Variants in ZNF892 observed in about 807,000 individuals in gnomAD.
ZNF892 encodes zinc finger protein 570-like.
chr2:95,252,335 G>A, the ZNF892 span, among the ~76,000 whole-genome samples: 4 of 150,772 alleles, frequency 2.7e-5, no homozygotes, highest in Non-Finnish European at 5.9e-5. Context: ...AACATGCGGT[G>A]TTTGGTTTTT....
At chr2:95,240,809 A>T in the ZNF892 span, among the ~76,000 whole-genome samples, 1 of 152,090 alleles carries the variant, frequency 6.6e-6, no homozygotes, top group Non-Finnish European at 1.5e-5. Flanking sequence ...GGTTCAGTCA[A>T]CTCAGCCGTT....
the ZNF892 span, among the ~76,000 whole-genome samples, chr2:95,261,383 C>G: frequency 1.3e-5 from 2 of 152,124 alleles, no homozygotes; most frequent in African/African-American, 2.4e-5. Flanking sequence ...CAACCTTCGC[C>G]CCCTGGGTTC....
chr2:95,241,387 G>T, the ZNF892 span, among the ~76,000 whole-genome samples: 2 of 152,080 alleles, frequency 1.3e-5, no homozygotes, highest in Non-Finnish European at 2.9e-5. Flanking sequence ...CCAGCAAACC[G>T]CAGCAGCCCT....
chr2:95,244,685 T>A, the ZNF892 span, among the ~76,000 whole-genome samples: 1 of 152,188 alleles, frequency 6.6e-6, no homozygotes, highest in Non-Finnish European at 1.5e-5. Flanking sequence ...CTGGATCAAG[T>A]GGACTTGATA....
At chr2:95,211,776 C>T in the ZNF892 span, 1 of 398,344 alleles carries the variant, frequency 2.5e-6, no homozygotes, top group East Asian at 3.6e-5. Context: ...CCTTGTCCTC[C>T]TCAGTTCCTA....
the ZNF892 span, among the ~76,000 whole-genome samples, chr2:95,247,416 C>G: frequency 2.0e-5 from 3 of 152,064 alleles, no homozygotes; most frequent in African/African-American, 7.2e-5. Context: ...TAGAAGAAAA[C>G]CTAGAAGACA....
chr2:95,255,465 C>A, the ZNF892 span, among the ~76,000 whole-genome samples: 3 of 152,092 alleles, frequency 2.0e-5, no homozygotes, highest in African/African-American at 7.2e-5. Flanking sequence ...AATTTCTGTT[C>A]TTTTACATTT....
the ZNF892 span, among the ~76,000 whole-genome samples, chr2:95,220,505 C>T: frequency 6.6e-6 from 1 of 152,162 alleles, no homozygotes; most frequent in Non-Finnish European, 1.5e-5. Flanking sequence ...ATTCTCTCTC[C>T]ACCTTTTAGA....
the ZNF892 span, among the ~76,000 whole-genome samples, chr2:95,239,431 G>A: frequency 6.6e-6 from 1 of 152,160 alleles, no homozygotes; most frequent in Non-Finnish European, 1.5e-5. Flanking sequence ...CTATCAGACA[G>A]CATGCTACAC....
chr2:95,207,471 T>C, the ZNF892 span: 1 of 211,698 alleles, frequency 4.7e-6, no homozygotes, highest in Non-Finnish European at 9.3e-6. Flanking sequence ...GGAAGCGGTG[T>C]TGGGAGTGAG....
the ZNF892 span, among the ~76,000 whole-genome samples, chr2:95,229,711 A>T: frequency 6.6e-6 from 1 of 152,146 alleles, no homozygotes; most frequent in Non-Finnish European, 1.5e-5. Flanking sequence ...TTGATAGATA[A>T]TTGAATTGTT....
chr2:95,260,208 C>T, the ZNF892 span, among the ~76,000 whole-genome samples: 1 of 152,212 alleles, frequency 6.6e-6, no homozygotes, highest in Non-Finnish European at 1.5e-5. Flanking sequence ...TGCTCACATG[C>T]CACACTTCAT....
chr2:95,251,485 A>G, the ZNF892 span, among the ~76,000 whole-genome samples: 4 of 152,236 alleles, frequency 2.6e-5, no homozygotes, highest in African/African-American at 4.8e-5. Flanking sequence ...TGGACTACCT[A>G]TAGAGGCAGA....
the ZNF892 span, among the ~76,000 whole-genome samples, chr2:95,245,753 C>G: frequency 6.6e-6 from 1 of 151,990 alleles, no homozygotes; most frequent in Non-Finnish European, 1.5e-5. Flanking sequence ...TGCACATAAA[C>G]TAGAAAATCT....
the ZNF892 span, among the ~76,000 whole-genome samples, chr2:95,257,932 G>T: frequency 6.6e-6 from 1 of 152,192 alleles, no homozygotes; most frequent in African/African-American, 2.4e-5. Context: ...CAGTATTAGG[G>T]TGGGAGTGAC....
At chr2:95,231,787 G>C in the ZNF892 span, among the ~76,000 whole-genome samples, 1 of 152,066 alleles carries the variant, frequency 6.6e-6, no homozygotes. Flanking sequence ...TTTGCTTCAA[G>C]AACTTCCCTG....
chr2:95,212,608 A>G, the ZNF892 span, among the ~76,000 whole-genome samples: 3 of 152,194 alleles, frequency 2.0e-5, no homozygotes, highest in Non-Finnish European at 4.4e-5. Context: ...TCTTTGCTGG[A>G]TGCCATTTTT....
chr2:95,215,955 A>G, the ZNF892 span, among the ~76,000 whole-genome samples: 1 of 152,194 alleles, frequency 6.6e-6, no homozygotes, highest in Non-Finnish European at 1.5e-5. Context: ...TTTTAAAGAG[A>G]TAAGTTATCC....
the ZNF892 span, among the ~76,000 whole-genome samples, chr2:95,232,819 G>GTGTGTGTGTA: frequency 1.3e-5 from 2 of 152,182 alleles, no homozygotes; most frequent in South Asian, 2.1e-4. Context: ...ATACATGTAT[G>GTGTGTGTGTA]TATATGTATG....
Sources: allele counts gnomAD v4.1 joint callset (sites outside exome capture counted in the v4.1 genomes callset), GRCh38; gene constraint gnomAD v4.1.1; transcripts MANE v1.5; gene names NCBI Gene and HGNC (gene_info 2026-07-23, HGNC 2026-07-21).